The following TPMT variants were observed in gnomAD, a reference collection of about 807,000 sequenced individuals.
TPMT encodes thiopurine S-methyltransferase, also known as S-adenosyl-L-methionine:thiopurine S-methyltransferase.
Under a neutral mutation model 34.2 loss-of-function variants are expected in TPMT, and 18 were observed. The ratio of observed to expected loss-of-function variants is 0.53; its 90% CI spans 0.36 to 0.78. The LOEUF (loss-of-function observed/expected upper bound fraction) is 0.78, where lower values mean the gene tolerates loss of function less well. Among genes scored for constraint, TPMT ranks in the 30% least tolerant of loss-of-function variants. The pLI is 0.00. For missense variants in TPMT, 265 were observed against 288.1 expected, an observed-to-expected ratio of 0.92 and a Z score of 0.58; for synonymous variants, 69 against 92.4, an observed-to-expected ratio of 0.75 and a Z score of 1.45.
intron 7 of TPMT, 83 bp downstream of exon 7, chr6:18,133,721 A>T: frequency 1.9e-6 from 2 of 1,072,304 alleles, no homozygotes; most frequent in Non-Finnish European, 2.8e-6. Context: ...ATTAGGAGAA[A>T]ATAATTCTTA....
At position 18,150,135 on chromosome 6, in the gene TPMT, C is replaced by A. The variant is rs1244601812; in HGVS notation, c.-44-964G>T. ...CACTGGCTTCAAGTTGGGGTTCCCA[C>A]ACCCTCCACTTTGGGTTTGCTTAAT... On this transcript the variant is annotated intron_variant, in intron 1 of 8. Transcript: ENST00000309983. The surrounding 1 kb of genome is among the most constrained non-coding windows in gnomAD (Gnocchi z 5.3). 6.6e-6 allele frequency among the ~76,000 whole-genome samples: 1 copy of A among 152,234 alleles called. No homozygotes were observed. The highest frequency in any genetic ancestry group is 1.5e-5 in the Non-Finnish European group (1 of 68,042).
Position 18,138,941 on chromosome 6 carries a change from CAA to C in TPMT, c.494+20_494+21del, listed in dbSNP as rs772191669. On this transcript the variant is annotated intron_variant, in intron 6 of 8. Transcript: ENST00000309983. The surrounding 1 kb of genome is among the most constrained non-coding windows in gnomAD (Gnocchi z 4.1). ...ATACTAAAAAATTAAGACAGCTAAA[CAA>C]AAAAAGAAAAATTACTTACCATTTG... The C allele has an allele frequency of 6.2e-7, 1 of 1,606,832 alleles. No individual in the cohort carries two copies. Among genetic ancestry groups the C allele is most frequent in the South Asian group, 1.1e-5 (1 of 90,420 alleles).
At position 18,138,603 on chromosome 6, in the gene TPMT, AAGTGACC is replaced by A. The variant is rs1784086490; in HGVS notation, c.494+353_494+359del. On this transcript the variant is annotated intron_variant, in intron 6 of 8. Transcript: ENST00000309983. The surrounding 1 kb of genome is among the most constrained non-coding windows in gnomAD (Gnocchi z 4.1). ...ATTTTGAACAATACCTGGAATAGGC[AAGTGACC>A]AGTAAGTATTACCTGGTAATATTAG... is the stretch of plus-strand genomic sequence containing the variant. Among the ~76,000 whole-genome samples, 2 of 152,196 alleles carry A rather than the reference AAGTGACC, an allele frequency of 1.3e-5. No individual in the cohort carries two copies. Among genetic ancestry groups the A allele is most frequent in the Admixed American group, 1.3e-4 (2 of 15,276 alleles).
In TPMT at chr6:18,154,430, C is replaced by T. The variant is rs538331694; in HGVS notation, c.-45+603G>A. 2.6e-5 allele frequency among the ~76,000 whole-genome samples: 4 copies of T among 152,012 alleles called. No individual in the cohort carries two copies. Among genetic ancestry groups the T allele is most frequent in the African/African-American group, 4.8e-5 (2 of 41,386 alleles). ...GCACACATCTTAAAAGAGTATGACT[C>T]GGTGAATTTTTTACATATACATACA... On this transcript the variant is annotated intron_variant, in intron 1 of 8. Coordinates refer to ENST00000309983, the MANE Select transcript of TPMT (RefSeq NM_000367.5). This position sits in a 1 kb window ranked among gnomAD's most constrained non-coding sequence, Gnocchi z 4.2.
rs954506208 is a variant in TPMT, at chr6:18,146,510, T to C, written c.233+1313A>G. Among the ~76,000 whole-genome samples, 1 of 152,198 alleles carries C rather than the reference T, an allele frequency of 6.6e-6. No individual in the cohort carries two copies. Among genetic ancestry groups the C allele is most frequent in the African/African-American group, 2.4e-5 (1 of 41,448 alleles). On this transcript the variant is annotated intron_variant, in intron 3 of 8. Transcript: ENST00000309983. The surrounding 1 kb of genome is among the most constrained non-coding windows in gnomAD (Gnocchi z 6.2). ...CTGATATTTTTTGTAATGTCTTTAT[T>C]ACAAATGGCTTTAGACCCCAAATAT... is the stretch of plus-strand genomic sequence containing the variant.
chr6:18,154,478 A>C lies in TPMT; in HGVS notation c.-45+555T>G, dbSNP rs969874976. 6.6e-6 allele frequency among the ~76,000 whole-genome samples: 1 copy of C among 152,214 alleles called. No individual in the cohort carries two copies. The highest frequency in any genetic ancestry group is 2.4e-5 in the African/African-American group (1 of 41,450). On this transcript the variant is annotated intron_variant, in intron 1 of 8. Transcript: ENST00000309983. This position sits in a 1 kb window ranked among gnomAD's most constrained non-coding sequence, Gnocchi z 4.2. Reference sequence around the variant, plus strand: ...ACACCTGTGTAACCACCGCAGAGCAAGACAGAATATTTACAGCACCCCAGT... The same window carrying C: ...ACACCTGTGTAACCACCGCAGAGCACGACAGAATATTTACAGCACCCCAGT...
rs988351696 is a variant in TPMT, at chr6:18,129,782, T to G, written c.*886A>C. 6.6e-6 allele frequency: 1 copy of G among 152,230 alleles called. No individual in the cohort carries two copies. The highest frequency in any genetic ancestry group is 2.4e-5 in the African/African-American group (1 of 41,460). The allele number at this position is 152,230 out of a possible 1,614,324, so 9.4% of individuals were successfully genotyped here. ...TTCCATATAGATTGTTTAATTAAAA[T>G]GTATTTGTTTCTTGATTCTGTTACA... On this transcript the variant is annotated 3_prime_UTR_variant, in exon 9 of 9. Coordinates refer to ENST00000309983, the MANE Select transcript of TPMT (RefSeq NM_000367.5).
intron 3 of TPMT, among the ~76,000 whole-genome samples, chr6:18,147,120 T>G (rs982946997): frequency 3.3e-5 from 5 of 152,150 alleles, no homozygotes; most frequent in African/African-American, 1.2e-4. Context: ...CATTCTTTTT[T>G]CTTTCCTGCT....
At position 18,145,865 on chromosome 6, in the gene TPMT, T is replaced by C. The variant is rs1715516525; in HGVS notation, c.233+1958A>G. ...CAAGTGTGGTGGCTTATGCCTGTTA[T>C]CCCAGCATGTTGGGAGGGAGGATCT... On this transcript the variant is annotated intron_variant, in intron 3 of 8. Coordinates refer to ENST00000309983, the MANE Select transcript of TPMT (RefSeq NM_000367.5). This position sits in a 1 kb window ranked among gnomAD's most constrained non-coding sequence, Gnocchi z 5.6. Among the ~76,000 whole-genome samples, 1 of 152,160 alleles carries C rather than the reference T, an allele frequency of 6.6e-6. No individual in the cohort carries two copies. Among genetic ancestry groups the C allele is most frequent in the Non-Finnish European group, 1.5e-5 (1 of 68,032 alleles).
chr6:18,141,242 G>A (rs1784133327), intron 4 of TPMT, among the ~76,000 whole-genome samples: 1 of 152,148 alleles, frequency 6.6e-6, no homozygotes, highest in African/African-American at 2.4e-5. Flanking sequence ...TTTTTGGACT[G>A]AGTAAACTCC....
chr6:18,146,876 T>C lies in TPMT; in HGVS notation c.233+947A>G, dbSNP rs965017702. On this transcript the variant is annotated intron_variant, in intron 3 of 8. Transcript: ENST00000309983. This position sits in a 1 kb window ranked among gnomAD's most constrained non-coding sequence, Gnocchi z 6.2. ...TGAAAATCAACTCCCAAAAAATGCA[T>C]GCATACTCTGCGTTAGTCACCGATA... Among the ~76,000 whole-genome samples, 9 of 152,220 alleles carry C rather than the reference T, an allele frequency of 5.9e-5. No homozygotes were observed. Among genetic ancestry groups the C allele is most frequent in the Non-Finnish European group, 1.2e-4 (8 of 68,038 alleles).
chr6:18,154,638 T>A lies in TPMT; in HGVS notation c.-45+395A>T, dbSNP rs1784442157. On this transcript the variant is annotated intron_variant, in intron 1 of 8. Coordinates refer to ENST00000309983, the MANE Select transcript of TPMT (RefSeq NM_000367.5). This position sits in a 1 kb window ranked among gnomAD's most constrained non-coding sequence, Gnocchi z 4.2. ...AATTTGAAAAATTAGCCAAGCGTGG[T>A]GCAGCGAGCCTGTAGTCCCAGTTAC... Among the ~76,000 whole-genome samples, 1 of 152,060 alleles carries A rather than the reference T, an allele frequency of 6.6e-6. No homozygotes were observed. Among genetic ancestry groups the A allele is most frequent in the East Asian group, 1.9e-4 (1 of 5,180 alleles).
At position 18,146,976 on chromosome 6, in the gene TPMT, T is replaced by C. The variant is rs1784257936; in HGVS notation, c.233+847A>G. Among the ~76,000 whole-genome samples, 1 of 152,200 alleles carries C rather than the reference T, an allele frequency of 6.6e-6. No individual in the cohort carries two copies. Among genetic ancestry groups the C allele is most frequent in the South Asian group, 2.1e-4 (1 of 4,828 alleles). ...TAATATTTTATTTTAAATTTATTTT[T>C]TGAGGCAGGGTCTATGTTGTCCAGA... On this transcript the variant is annotated intron_variant, in intron 3 of 8. Coordinates refer to ENST00000309983, the MANE Select transcript of TPMT (RefSeq NM_000367.5). The surrounding 1 kb of genome is among the most constrained non-coding windows in gnomAD (Gnocchi z 6.2).
rs965921180 is a variant in TPMT, at chr6:18,138,017, C to A, written c.494+946G>T. On this transcript the variant is annotated intron_variant, in intron 6 of 8. Transcript: ENST00000309983. The surrounding 1 kb of genome is among the most constrained non-coding windows in gnomAD (Gnocchi z 4.1). ...CTGGTCTCGAACTCCTGACCTCAGG[C>A]GATCCGCCCACCTTGGCCTCCCAAA... Among the ~76,000 whole-genome samples, 9 of 151,954 alleles carry A rather than the reference C, an allele frequency of 5.9e-5. No individual in the cohort carries two copies. Among genetic ancestry groups the A allele is most frequent in the African/African-American group, 1.7e-4 (7 of 41,382 alleles).
rs1333216618 is a variant in TPMT, at chr6:18,148,811, ACT to A, written c.140+175_140+176del. ...TATTTACACACTGTGGGAAGAAAAG[ACT>A]CTGCCAATTAAACTACATCATGCCA... On this transcript the variant is annotated intron_variant, in intron 2 of 8. Coordinates refer to ENST00000309983, the MANE Select transcript of TPMT (RefSeq NM_000367.5). The surrounding 1 kb of genome is among the most constrained non-coding windows in gnomAD (Gnocchi z 4.1). Among the ~76,000 whole-genome samples, 1 of 152,164 alleles carries A rather than the reference ACT, an allele frequency of 6.6e-6. No homozygotes were observed. The highest frequency in any genetic ancestry group is 1.5e-5 in the Non-Finnish European group (1 of 68,024).
intron 7 of TPMT, 27 bp downstream of exon 7, chr6:18,133,777 G>GAAAAAAAAAAAAAAAAA: frequency 7.4e-7 from 1 of 1,348,424 alleles, no homozygotes; most frequent in Non-Finnish European, 1.0e-6. Flanking sequence ...ACTGGTAAAA[G>GAAAAAAAAAAAAAAAAA]AAAAAAAAAA....
chr6:18,130,895 T>C lies in TPMT; in HGVS notation c.626-115A>G, dbSNP rs559801275. 491 of 778,990 alleles carry C rather than the reference T, an allele frequency of 6.3e-4. 3 individuals are homozygous for C. The highest frequency in any genetic ancestry group is 1.0e-3 in the Non-Finnish European group (467 of 456,704). The allele number at this position is 778,990 out of a possible 1,614,324, so 48.3% of individuals were successfully genotyped here. Reference sequence around the variant, plus strand: ...GGCTCACACCTGTAATCCCAACACTTTGGGAGGCCGAGGCAGGTGGATCAC... The same window carrying C: ...GGCTCACACCTGTAATCCCAACACTCTGGGAGGCCGAGGCAGGTGGATCAC... On this transcript the variant is annotated intron_variant, in intron 8 of 8. Coordinates refer to ENST00000309983, the MANE Select transcript of TPMT (RefSeq NM_000367.5). The surrounding 1 kb of genome is among the most constrained non-coding windows in gnomAD (Gnocchi z 4.2).
rs1784280344 is a variant in TPMT, at chr6:18,148,042, C to A, written c.141-127G>T. 1.3e-6 allele frequency: 1 copy of A among 746,798 alleles called. No homozygotes were observed. 46.3% of individuals were successfully genotyped at this position (746,798 alleles called of 1,614,324 possible). On this transcript the variant is annotated intron_variant, in intron 2 of 8. Transcript: ENST00000309983. The surrounding 1 kb of genome is among the most constrained non-coding windows in gnomAD (Gnocchi z 4.1). ...TACTATTAATTATTATAATCTCCAG[C>A]TTACATATGAAGAAACAGGTAACTT...
chr6:18,137,483 A>G (rs4712327), intron 6 of TPMT, among the ~76,000 whole-genome samples: 99,977 of 152,082 alleles, frequency 0.66, 34,587 homozygotes, highest in East Asian at 0.82. Context: ...AAGTAATTCA[A>G]TATTTCCATG....
Sources: allele counts gnomAD v4.1 joint callset (sites outside exome capture counted in the v4.1 genomes callset), GRCh38; gene constraint gnomAD v4.1.1; non-coding constraint Gnocchi (gnomAD v3.1); transcripts MANE v1.5; gene names NCBI Gene and HGNC (gene_info 2026-07-23, HGNC 2026-07-21).